Variants in PCDH1 observed in about 807,000 individuals in gnomAD.
PCDH1 encodes the protein protocadherin 1.
A neutral mutation model predicts 74.6 loss-of-function variants in PCDH1; 23 were observed. That is an observed-to-expected ratio of 0.31 (90% CI 0.22 to 0.44). The LOEUF (loss-of-function observed/expected upper bound fraction) is 0.44, where lower values mean the gene tolerates loss of function less well. Among genes scored for constraint, PCDH1 ranks in the 20% least tolerant of loss-of-function variants. The pLI, the probability that PCDH1 is intolerant of heterozygous loss-of-function variation, is 1.00. For missense variants in PCDH1, 1,214 were observed against 1,641.4 expected (o/e 0.74, Z 4.50); for synonymous variants, 647 against 686.1 (o/e 0.94, Z 0.89).
At position 141,868,644 on chromosome 5, in the gene PCDH1, G is replaced by A. The variant is rs776786145; in HGVS notation, c.828C>T (p.Asn276=). ...LRVTVLDTND[N]APKFERPSYE... is the part of the protein sequence containing the mutation. ...AGGAGGGCCGCTCAAACTTGGGGGC[G>A]TTGTCATTGGTGTCAAGCACGGTGA... Residue 276 remains asparagine (N), a synonymous_variant, in exon 2 of 5, where the codon AAC becomes AAT. Coordinates refer to ENST00000287008, the MANE Select transcript of PCDH1 (RefSeq NM_032420.5). This position sits in a 1 kb window ranked among gnomAD's most constrained non-coding sequence, Gnocchi z 4.8. 6.2e-6 allele frequency: 10 copies of A among 1,604,514 alleles called. No individual in the cohort carries two copies. The highest frequency in any genetic ancestry group is 2.7e-5 in the African/African-American group (2 of 74,680).
chr5:141,865,392 T>G lies in PCDH1; in HGVS notation c.939A>C (p.Ala313=). 6.2e-7 allele frequency: 1 copy of G among 1,613,870 alleles called. No individual in the cohort carries two copies. Reference sequence around the variant, plus strand: ...CCTGGTGGAATGTGTATTCGATTTCTGCATTGGCACCTTGGTCTGAGTCAT... The same window carrying G: ...CCTGGTGGAATGTGTATTCGATTTCGGCATTGGCACCTTGGTCTGAGTCAT... ...KANDSDQGAN[A]EIEYTFHQAP... Residue 313 remains alanine (A), a synonymous_variant, in exon 3 of 5, where the codon GCA becomes GCC. Coordinates refer to ENST00000287008, the MANE Select transcript of PCDH1 (RefSeq NM_032420.5). The surrounding 1 kb of genome is among the most constrained non-coding windows in gnomAD (Gnocchi z 4.4).
chr5:141,869,459 C>A lies in PCDH1; in HGVS notation c.41-28G>T. 6.3e-7 allele frequency: 1 copy of A among 1,592,698 alleles called. No individual in the cohort carries two copies. Reference sequence around the variant, plus strand: ...GCAAGGGGAAGAGGCAAAACAGAGGCCATGAGCTGGGAAGAAAAGCCTGGC... The same window carrying A: ...GCAAGGGGAAGAGGCAAAACAGAGGACATGAGCTGGGAAGAAAAGCCTGGC... On this transcript the variant is annotated intron_variant, in intron 1 of 4. Coordinates refer to ENST00000287008, the MANE Select transcript of PCDH1 (RefSeq NM_032420.5). This position sits in a 1 kb window ranked among gnomAD's most constrained non-coding sequence, Gnocchi z 4.9.
At chr5:141,866,924 T>TC (rs367768525) in intron 2 of PCDH1, among the ~76,000 whole-genome samples, 39 of 152,278 alleles carry the variant, frequency 2.6e-4, no homozygotes, top group African/African-American at 9.1e-4. Context: ...GCCAGTCCTC[T>TC]CCTCCTTGGG....
At chr5:141,872,809 C>T (rs1179202019) in intron 1 of PCDH1, among the ~76,000 whole-genome samples, 1 of 152,120 alleles carries the variant, frequency 6.6e-6, no homozygotes, top group Non-Finnish European at 1.5e-5. Flanking sequence ...AGAAGGAGAA[C>T]CACAGGATAA....
chr5:141,866,053 C>T, intron 2 of PCDH1: 1 of 986,454 alleles, frequency 1.0e-6, no homozygotes, highest in Non-Finnish European at 1.2e-6. Flanking sequence ...TGTGTTTGCA[C>T]ACATGAGTAA....
chr5:141,872,373 A>G (rs979669582), intron 1 of PCDH1, among the ~76,000 whole-genome samples: 5 of 152,258 alleles, frequency 3.3e-5, no homozygotes. Context: ...TGACCAAGAG[A>G]ATAAATAAGG....
intron 4 of PCDH1, among the ~76,000 whole-genome samples, chr5:141,855,567 A>G (rs907098830): frequency 2.0e-5 from 3 of 151,848 alleles, no homozygotes; most frequent in African/African-American, 7.3e-5. Context: ...AATTGGGTAC[A>G]TTGCTTCCTT....
chr5:141,854,868 C>T (rs1752269413), intron 4 of PCDH1, among the ~76,000 whole-genome samples: 1 of 152,020 alleles, frequency 6.6e-6, no homozygotes, highest in Non-Finnish European at 1.5e-5. Context: ...GATGGGGTTT[C>T]ACCAGGTTGA....
chr5:141,874,749 G>C (rs1338115787), intron 1 of PCDH1, among the ~76,000 whole-genome samples: 1 of 152,142 alleles, frequency 6.6e-6, no homozygotes, highest in Non-Finnish European at 1.5e-5. Context: ...CAGTAGCCAG[G>C]TCAGCTCTGA....
rs1279752987 is a variant in PCDH1, at chr5:141,863,569, G to A, written c.2762C>T (p.Pro921Leu). ...ATCCTCGTCCTCCACTGGCTTCACG[G>A]GCTTTGGGGACTTGCTCTTCTTGCC... ...SKGKKSKSPK[P>L]VKPVEDEDEA... The change falls in exon 3 of 5, where the codon CCC becomes CTC. Residue 921 changes from proline (P) to leucine (L), a missense_variant. Coordinates refer to ENST00000287008, the MANE Select transcript of PCDH1 (RefSeq NM_032420.5). The surrounding 1 kb of genome is among the most constrained non-coding windows in gnomAD (Gnocchi z 7.5). The A allele has an allele frequency of 6.2e-7, 1 of 1,614,178 alleles. No individual in the cohort carries two copies. Among genetic ancestry groups the A allele is most frequent in the Admixed American group, 1.7e-5 (1 of 60,026 alleles).
Position 141,869,664 on chromosome 5 carries a change from C to A in PCDH1, c.41-233G>T. 6.5e-7 allele frequency: 1 copy of A among 1,530,806 alleles called. No homozygotes were observed. The highest frequency in any genetic ancestry group is 8.7e-7 in the Non-Finnish European group (1 of 1,144,226). 94.8% of individuals were successfully genotyped at this position (1,530,806 alleles called of 1,614,324 possible). On this transcript the variant is annotated intron_variant, in intron 1 of 4. Coordinates refer to ENST00000287008, the MANE Select transcript of PCDH1 (RefSeq NM_032420.5). This position sits in a 1 kb window ranked among gnomAD's most constrained non-coding sequence, Gnocchi z 4.9. ...CTGGAGGAGCCAGTAAGAGGCCTGGCATGCCTAGAGCAGCTCCCGCCCATG... is the reference window on the plus strand; with the variant it reads ...CTGGAGGAGCCAGTAAGAGGCCTGGAATGCCTAGAGCAGCTCCCGCCCATG...
chr5:141,874,669 G>A (rs577529633), intron 1 of PCDH1, among the ~76,000 whole-genome samples: 39 of 152,262 alleles, frequency 2.6e-4, no homozygotes, highest in African/African-American at 9.4e-4. Context: ...AGCCCACCCC[G>A]GGGACCAAGG....
At position 141,869,572 on chromosome 5, in the gene PCDH1, C is replaced by G; in HGVS notation, c.41-141G>C. ...GAGCAGTCAGTCCCAGCACAGAACC[C>G]CGATTCCAGAAACTCAGATCCCTGA... On this transcript the variant is annotated intron_variant, in intron 1 of 4. Coordinates refer to ENST00000287008, the MANE Select transcript of PCDH1 (RefSeq NM_032420.5). The surrounding 1 kb of genome is among the most constrained non-coding windows in gnomAD (Gnocchi z 4.9). The G allele has an allele frequency of 6.5e-7, 1 of 1,535,696 alleles. No homozygotes were observed.
At chr5:141,857,209 C>A in intron 4 of PCDH1, 43 bp downstream of exon 4, 2 of 1,454,504 alleles carry the variant, frequency 1.4e-6, no homozygotes, top group Non-Finnish European at 1.8e-6. Context: ...TCCCAGGCTT[C>A]CACTCATTCC....
intron 3 of PCDH1, 66 bp from the exon 4 acceptor site, chr5:141,857,537 GC>G: frequency 7.2e-7 from 1 of 1,389,666 alleles, no homozygotes; most frequent in South Asian, 1.3e-5. Context: ...ACCATACCAG[GC>G]CCTAGTACAA....
At chr5:141,861,045 G>T (rs1319308644) in intron 3 of PCDH1, among the ~76,000 whole-genome samples, 1 of 147,630 alleles carries the variant, frequency 6.8e-6, no homozygotes, top group African/African-American at 2.5e-5. Flanking sequence ...AACCTGGGAG[G>T]CAGAGGTTGC....
intron 4 of PCDH1, 88 bp from the exon 5 acceptor site, chr5:141,854,524 C>T: frequency 7.3e-7 from 1 of 1,373,156 alleles, no homozygotes. Context: ...ATCTACACCC[C>T]ACCTCAGGAC....
At position 141,864,397 on chromosome 5, in the gene PCDH1, G is replaced by C. The variant is rs1721814305; in HGVS notation, c.1934C>G (p.Ala645Gly). 1 of 1,613,996 alleles carries C rather than the reference G, an allele frequency of 6.2e-7. No individual in the cohort carries two copies. Among genetic ancestry groups the C allele is most frequent in the Non-Finnish European group, 8.5e-7 (1 of 1,179,946 alleles). ...CTGCTCCACTGAGAGCTGCACCTGGGCATTCTCCCCCTTGTCTCCATCAAT... is the reference window on the plus strand; with the variant it reads ...CTGCTCCACTGAGAGCTGCACCTGGCCATTCTCCCCCTTGTCTCCATCAAT... ...TVIDGDKGEN[A>G]QVQLSVEQDN... is the part of the protein sequence containing the mutation. The change falls in exon 3 of 5, where the codon GCC becomes GGC. Residue 645 changes from alanine to glycine, a missense_variant. Ala to Gly is a moderately conservative substitution (Grantham distance 60, BLOSUM62 0). This residue lies in a region of PCDH1 where 836 missense variants were observed against 1,182.2 expected (regional missense o/e 0.71). Transcript: ENST00000287008. This position sits in a 1 kb window ranked among gnomAD's most constrained non-coding sequence, Gnocchi z 5.9.
intron 3 of PCDH1, among the ~76,000 whole-genome samples, chr5:141,858,340 A>T (rs1483770510): frequency 6.6e-6 from 1 of 152,226 alleles, no homozygotes; most frequent in Non-Finnish European, 1.5e-5. Context: ...GAAATAGAAT[A>T]TTCACTGGAG....
Sources: allele counts gnomAD v4.1 joint callset (sites outside exome capture counted in the v4.1 genomes callset), GRCh38; gene constraint gnomAD v4.1.1; regional missense constraint gnomAD v4.1.1; non-coding constraint Gnocchi (gnomAD v3.1); transcripts MANE v1.5; gene names NCBI Gene and HGNC (gene_info 2026-07-23, HGNC 2026-07-21).